Variants in KCNH7 observed in about 807,000 individuals in gnomAD.
The protein encoded by KCNH7 is voltage-gated inwardly rectifying potassium channel KCNH7.
KCNH7 carries 49 observed loss-of-function variants against 120.8 expected under a neutral mutation model. That is an observed-to-expected ratio of 0.41 (90% confidence interval 0.32 to 0.51). The LOEUF is 0.51. Ranked by LOEUF, KCNH7 falls within the 20% of genes least tolerant of loss-of-function variation. The pLI is 0.38. For synonymous variants in KCNH7, 547 were observed against 516.1 expected, an observed-to-expected ratio of 1.06 and a Z score of -0.81; for missense variants, 1,097 against 1,446.6, an observed-to-expected ratio of 0.76 and a Z score of 3.92.
intron 2 of KCNH7, among the ~76,000 whole-genome samples, chr2:162,551,230 T>G (rs1054119063): frequency 1.3e-5 from 2 of 152,148 alleles, no homozygotes; most frequent in African/African-American, 4.8e-5. Flanking sequence ...GCTTAAAACA[T>G]TTTTGAAAAC....
At chr2:162,732,484 G>A (rs12999017) in intron 2 of KCNH7, among the ~76,000 whole-genome samples, 3,228 of 149,008 alleles carry the variant, frequency 0.022, 70 homozygotes, top group East Asian at 0.13. Flanking sequence ...CCAGTTACTG[G>A]TTAAAGATAG....
intron 2 of KCNH7, among the ~76,000 whole-genome samples, chr2:162,595,724 A>G (rs1228190543): frequency 6.6e-6 from 1 of 152,046 alleles, no homozygotes; most frequent in Non-Finnish European, 1.5e-5. Context: ...CTGAGCAATT[A>G]GTCAAGAAAA....
intron 13 of KCNH7, among the ~76,000 whole-genome samples, chr2:162,384,007 G>T (rs1056533707): frequency 1.3e-5 from 2 of 151,678 alleles, no homozygotes; most frequent in Non-Finnish European, 2.9e-5. Flanking sequence ...TATAGATCTA[G>T]CCTCTGGTAT....
At chr2:162,588,867 C>T (rs1026486782) in intron 2 of KCNH7, among the ~76,000 whole-genome samples, 5 of 151,936 alleles carry the variant, frequency 3.3e-5, no homozygotes. Flanking sequence ...TAACAAAATC[C>T]AATAATGGTA....
chr2:162,724,421 C>T (rs1456377560), intron 2 of KCNH7, among the ~76,000 whole-genome samples: 3 of 151,946 alleles, frequency 2.0e-5, no homozygotes, highest in Non-Finnish European at 4.4e-5. Flanking sequence ...GCCTGTAATC[C>T]CAGCACTTTG....
At chr2:162,781,653 T>TG (rs1683494941) in intron 2 of KCNH7, among the ~76,000 whole-genome samples, 1 of 152,088 alleles carries the variant, frequency 6.6e-6, no homozygotes, top group African/African-American at 2.4e-5. Flanking sequence ...TTTTTGAGCA[T>TG]GGGGTCCTTA....
In KCNH7 at chr2:162,372,069, T is replaced by G. The variant is rs778936991; in HGVS notation, c.3351A>C (p.Lys1117Asn). ...GGGATTCTTTGGATTTAAGTTTAGA[T>G]TTTTCAAGGTCTAGAAATTCAGGAC... ...SQCPEFLDLE[K>N]SKLKSKESLS... is the part of the protein sequence containing the mutation. Residue 1117 changes from lysine (K) to asparagine (N), a missense_variant, in exon 16 of 16, where the codon AAA becomes AAC. Lys to Asn is a moderately conservative substitution (Grantham distance 94). Transcript: ENST00000332142. 10 of 1,612,724 alleles carry G rather than the reference T, an allele frequency of 6.2e-6. No homozygotes were observed. In the Admixed American group the frequency reaches 6.7e-5, roughly 11 times the overall value.
At chr2:162,478,504 G>A (rs975854072) in intron 6 of KCNH7, among the ~76,000 whole-genome samples, 2 of 152,078 alleles carry the variant, frequency 1.3e-5, no homozygotes, top group African/African-American at 2.4e-5. Context: ...TTCTTCTAAT[G>A]TTATTCTGGA....
intron 2 of KCNH7, among the ~76,000 whole-genome samples, chr2:162,687,531 C>T (rs747155676): frequency 1.3e-5 from 2 of 152,032 alleles, no homozygotes; most frequent in Non-Finnish European, 2.9e-5. Flanking sequence ...GGAAATATGG[C>T]CTGTGACTAT....
At chr2:162,643,041 T>C (rs1178076878) in intron 2 of KCNH7, among the ~76,000 whole-genome samples, 1 of 152,232 alleles carries the variant, frequency 6.6e-6, no homozygotes, top group Admixed American at 6.5e-5. Flanking sequence ...ATTTATGCAA[T>C]TAAAGCTTGA....
At chr2:162,429,904 C>T (rs1302676961) in intron 8 of KCNH7, among the ~76,000 whole-genome samples, 2 of 149,476 alleles carry the variant, frequency 1.3e-5, no homozygotes, top group Non-Finnish European at 3.0e-5. Context: ...CCTTCATCAT[C>T]TTTGTAAATT....
intron 12 of KCNH7, among the ~76,000 whole-genome samples, chr2:162,386,099 G>C (rs940985271): frequency 4.6e-5 from 7 of 151,808 alleles, no homozygotes; most frequent in Non-Finnish European, 1.0e-4. Context: ...TTTCACACTT[G>C]CTCAGTGATT....
At chr2:162,500,861 T>C (rs1690664556) in intron 6 of KCNH7, among the ~76,000 whole-genome samples, 1 of 152,122 alleles carries the variant, frequency 6.6e-6, no homozygotes, top group South Asian at 2.1e-4. Context: ...AGTCTTTTGG[T>C]TATTACTAAG....
intron 13 of KCNH7, among the ~76,000 whole-genome samples, chr2:162,382,700 A>C (rs1451155302): frequency 1.3e-5 from 2 of 151,948 alleles, no homozygotes; most frequent in Non-Finnish European, 2.9e-5. Flanking sequence ...TGAAACTAAA[A>C]TTTGTGGGGG....
intron 2 of KCNH7, among the ~76,000 whole-genome samples, chr2:162,671,544 G>A (rs1239812955): frequency 2.6e-5 from 4 of 151,930 alleles, no homozygotes; most frequent in Non-Finnish European, 4.4e-5. Context: ...AACAGACGTT[G>A]GCAACTCCAA....
At chr2:162,445,948 T>C (rs1403423838) in intron 7 of KCNH7, 70 bp downstream of exon 7, 1 of 1,227,510 alleles carries the variant, frequency 8.1e-7, no homozygotes, top group Non-Finnish European at 1.1e-6. Context: ...ACTCTTCTTT[T>C]TGCAGTTAAA....
chr2:162,767,370 A>G (rs1377484659), intron 2 of KCNH7, among the ~76,000 whole-genome samples: 4 of 152,136 alleles, frequency 2.6e-5, no homozygotes, highest in Non-Finnish European at 4.4e-5. Flanking sequence ...ATTTCCACAA[A>G]CAATAAATGA....
At chr2:162,807,536 C>T (rs1467696939) in intron 2 of KCNH7, among the ~76,000 whole-genome samples, 1 of 152,006 alleles carries the variant, frequency 6.6e-6, no homozygotes, top group Admixed American at 6.6e-5. Context: ...AAGTTTGTGG[C>T]TTTTTTGTAT....
intron 14 of KCNH7, among the ~76,000 whole-genome samples, chr2:162,378,717 T>A (rs959706788): frequency 1.3e-5 from 2 of 152,204 alleles, no homozygotes; most frequent in Middle Eastern, 3.2e-3. Flanking sequence ...CAAAATGTGG[T>A]CACCCATTGG....
Sources: gnomAD v4.1 joint callset for allele counts (sites outside exome capture counted in the v4.1 genomes callset) on GRCh38, gnomAD v4.1.1 for gene constraint, MANE v1.5 for transcripts, NCBI Gene and HGNC (gene_info 2026-07-23, HGNC 2026-07-21) for gene names.